FOXP4: variants seen among roughly 807,000 people sequenced by gnomAD.
FOXP4 encodes the protein forkhead box protein P4.
A neutral mutation model predicts 82.6 loss-of-function variants in FOXP4; 25 were observed. That is an observed-to-expected ratio of 0.30 (90% CI 0.22 to 0.42). The LOEUF (loss-of-function observed/expected upper bound fraction) is 0.42. FOXP4 is among the 10% of genes least tolerant of loss of function. The pLI, the probability that FOXP4 is intolerant of heterozygous loss-of-function variation, is 1.00. For synonymous variants in FOXP4, 415 were observed against 388.2 expected, an observed-to-expected ratio of 1.07 and a Z score of -0.81; for missense variants, 785 against 900.9, an observed-to-expected ratio of 0.87 and a Z score of 1.65.
chr6:41,589,101 C>T (rs932273374), intron 9 of FOXP4, among the ~76,000 whole-genome samples: 15 of 152,340 alleles, frequency 9.8e-5, no homozygotes, highest in African/African-American at 3.6e-4. Context: ...ATTATTCTCC[C>T]CATTTTCCAG....
chr6:41,575,125 C>A (rs997289555), intron 2 of FOXP4, among the ~76,000 whole-genome samples: 1 of 152,102 alleles, frequency 6.6e-6, no homozygotes, highest in African/African-American at 2.4e-5. Context: ...CCCACCACCA[C>A]GCCTGGCTAA....
intron 1 of FOXP4, among the ~76,000 whole-genome samples, chr6:41,556,899 C>T (rs1050963963): frequency 1.8e-4 from 27 of 152,180 alleles, no homozygotes; most frequent in Admixed American, 1.4e-3. Context: ...CTGAAGAGTG[C>T]GATTTAATTG....
Position 41,593,144 on chromosome 6 carries a change from A to G in FOXP4, c.1537-1726A>G, listed in dbSNP as rs956904239. On this transcript the variant is annotated intron_variant, in intron 13 of 16. Transcript: ENST00000307972. The surrounding 1 kb of genome is among the most constrained non-coding windows in gnomAD (Gnocchi z 4.1). ...ATTCATGTTACTTGGGAAATACACC[A>G]TCTACACCCAACTCTGCTTCCCTTC... Among the ~76,000 whole-genome samples the G allele has an allele frequency of 1.5e-4, 23 of 152,090 alleles. No homozygotes were observed. The highest frequency in any genetic ancestry group is 3.9e-4 in the Admixed American group (6 of 15,274).
At position 41,593,679 on chromosome 6, in the gene FOXP4, G is replaced by A. The variant is rs999564015; in HGVS notation, c.1537-1191G>A. On this transcript the variant is annotated intron_variant, in intron 13 of 16. Coordinates refer to ENST00000307972, the MANE Select transcript of FOXP4 (RefSeq NM_001012426.2). This position sits in a 1 kb window ranked among gnomAD's most constrained non-coding sequence, Gnocchi z 4.1. ...CGTGATTAGGCCCTTTGTAATTATC[G>A]CTCCAAGAGATTCCACTCCAGCCGC... Among the ~76,000 whole-genome samples the A allele has an allele frequency of 2.6e-5, 4 of 152,100 alleles. No individual in the cohort carries two copies. Among genetic ancestry groups the A allele is most frequent in the South Asian group, 2.1e-4 (1 of 4,826 alleles).
chr6:41,563,240 C>T (rs1764689745), intron 1 of FOXP4, among the ~76,000 whole-genome samples: 1 of 152,182 alleles, frequency 6.6e-6, no homozygotes, highest in Non-Finnish European at 1.5e-5. Context: ...TCTGTGGACC[C>T]CTTGCTGTTC....
chr6:41,561,813 A>G (rs1391865416), intron 1 of FOXP4, among the ~76,000 whole-genome samples: 3 of 152,174 alleles, frequency 2.0e-5, no homozygotes, highest in Non-Finnish European at 2.9e-5. Context: ...AGGACCACCT[A>G]TTTGTATAGA....
intron 1 of FOXP4, among the ~76,000 whole-genome samples, chr6:41,562,930 A>G (rs1764670235): frequency 6.6e-6 from 1 of 152,068 alleles, no homozygotes; most frequent in Non-Finnish European, 1.5e-5. Flanking sequence ...CAAGTGGAGG[A>G]TGGTGCCCAC....
At chr6:41,562,528 T>C (rs1396295789) in intron 1 of FOXP4, among the ~76,000 whole-genome samples, 1 of 152,182 alleles carries the variant, frequency 6.6e-6, no homozygotes, top group African/African-American at 2.4e-5. Context: ...CACCTCTGTC[T>C]GCATCCTCCT....
At chr6:41,586,327 C>T (rs1014720253) in intron 5 of FOXP4, among the ~76,000 whole-genome samples, 2 of 152,046 alleles carry the variant, frequency 1.3e-5, no homozygotes, top group Non-Finnish European at 2.9e-5. Context: ...CTCTGCCTCT[C>T]AACCCACCCA....
At chr6:41,548,027 A>G (rs1763759702) in intron 1 of FOXP4, among the ~76,000 whole-genome samples, 1 of 152,150 alleles carries the variant, frequency 6.6e-6, no homozygotes, top group Non-Finnish European at 1.5e-5. Flanking sequence ...GTGTCCCCCA[A>G]CTGGGGCGAT....
At chr6:41,563,306 G>A (rs1388582309) in intron 1 of FOXP4, among the ~76,000 whole-genome samples, 1 of 152,188 alleles carries the variant, frequency 6.6e-6, no homozygotes, top group Non-Finnish European at 1.5e-5. Context: ...AAATGGCTTG[G>A]TAGAGTGAGG....
intron 2 of FOXP4, among the ~76,000 whole-genome samples, chr6:41,571,281 G>A (rs1414260540): frequency 6.6e-6 from 1 of 152,222 alleles, no homozygotes; most frequent in Non-Finnish European, 1.5e-5. Flanking sequence ...ATGAGCCCTG[G>A]GCTGCATCAT....
rs1027570632 is a variant in FOXP4 at position 41,577,967 on chromosome 6, C to T, written c.205-19C>T. On this transcript the variant is annotated intron_variant, in intron 2 of 16. Transcript: ENST00000307972. ...ACCCAGCCTCCCAGGCCATTGCTGA[C>T]TCAGCCCCTGTCTTGCAGGCTCTCC... 3.7e-6 allele frequency: 6 copies of T among 1,603,768 alleles called. No homozygotes were observed. The highest frequency in any genetic ancestry group is 5.1e-6 in the Non-Finnish European group (6 of 1,174,782).
chr6:41,579,875 C>T (rs1474397792), intron 3 of FOXP4, among the ~76,000 whole-genome samples: 4 of 152,114 alleles, frequency 2.6e-5, no homozygotes, highest in Non-Finnish European at 5.9e-5. Flanking sequence ...ACACTAAGCG[C>T]TTTACAGCTA....
intron 1 of FOXP4, among the ~76,000 whole-genome samples, chr6:41,561,485 C>T (rs1357952084): frequency 6.6e-6 from 1 of 152,206 alleles, no homozygotes; most frequent in Non-Finnish European, 1.5e-5. Context: ...ACAGCTGAGC[C>T]TAGAAACCAG....
chr6:41,555,336 G>T (rs1764217270), intron 1 of FOXP4, among the ~76,000 whole-genome samples: 1 of 152,170 alleles, frequency 6.6e-6, no homozygotes, highest in African/African-American at 2.4e-5. Context: ...ATAAGGCCTT[G>T]TGTCTCCGGG....
intron 2 of FOXP4, among the ~76,000 whole-genome samples, chr6:41,567,893 C>T (rs776969622): frequency 1.3e-5 from 2 of 152,210 alleles, no homozygotes; most frequent in Admixed American, 6.5e-5. Flanking sequence ...GAGTTGGAGG[C>T]AGGCAGAGGG....
intron 1 of FOXP4, among the ~76,000 whole-genome samples, chr6:41,555,946 T>C (rs1764251097): frequency 6.6e-6 from 1 of 152,206 alleles, no homozygotes; most frequent in African/African-American, 2.4e-5. Context: ...CTTTCTTTTT[T>C]TCCCCCTGTA....
At chr6:41,570,512 G>C in intron 2 of FOXP4, 1 of 389,976 alleles carries the variant, frequency 2.6e-6, no homozygotes, top group Non-Finnish European at 5.4e-6. Context: ...AGACCGCCCT[G>C]TTTCCTATGT....
Sources: gnomAD v4.1 joint callset for allele counts (sites outside exome capture counted in the v4.1 genomes callset) on GRCh38, gnomAD v4.1.1 for gene constraint, Gnocchi (gnomAD v3.1) non-coding constraint, MANE v1.5 for transcripts, NCBI Gene and HGNC (gene_info 2026-07-23, HGNC 2026-07-21) for gene names.